The following PTGER3 variants were observed in gnomAD, a reference collection of about 807,000 sequenced individuals.
PTGER3 encodes the protein prostaglandin E receptor 3, also known as prostaglandin E2 receptor EP3 subtype.
PTGER3 carries 22 observed loss-of-function variants against 34.7 expected under a neutral mutation model. The ratio of observed to expected loss-of-function variants is 0.63; its 90% CI spans 0.45 to 0.91. PTGER3 has a LOEUF of 0.91. Ranked by LOEUF, PTGER3 falls within the 40% of genes least tolerant of loss-of-function variation. The probability of loss-of-function intolerance (pLI) is 0.00; values close to 1 mark genes in which losing one functional copy is unlikely to be tolerated. For missense variants in PTGER3, 468 were observed against 519.4 expected, an observed-to-expected ratio of 0.90 and a Z score of 0.96; for synonymous variants, 241 against 230.1, an observed-to-expected ratio of 1.05 and a Z score of -0.43.
At chr1:71,016,235 G>T (rs963625809) in intron 1 of PTGER3, among the ~76,000 whole-genome samples, 2 of 152,124 alleles carry the variant, frequency 1.3e-5, no homozygotes, top group Non-Finnish European at 2.9e-5. Flanking sequence ...AAAGCAAATA[G>T]TAGCTATACA....
intron 4 of PTGER3, among the ~76,000 whole-genome samples, chr1:70,857,695 C>T (rs141685495): frequency 2.0e-5 from 3 of 151,992 alleles, no homozygotes; most frequent in Non-Finnish European, 4.4e-5. Context: ...CCACCACGCC[C>T]GGCTAATTTT....
At chr1:70,907,328 G>A (rs1646970243) in intron 4 of PTGER3, among the ~76,000 whole-genome samples, 2 of 152,226 alleles carry the variant, frequency 1.3e-5, no homozygotes, top group Non-Finnish European at 2.9e-5. Context: ...TTAGAGATTA[G>A]GGGATAATGA....
chr1:70,884,091 C>T (rs13306022), intron 4 of PTGER3: 9,162 of 375,180 alleles, frequency 0.024, 399 homozygotes, highest in East Asian at 0.21. Context: ...CATCTCAAAA[C>T]AAACAAACAA....
At chr1:70,899,575 T>C (rs1218299718) in intron 4 of PTGER3, among the ~76,000 whole-genome samples, 3 of 151,900 alleles carry the variant, frequency 2.0e-5, no homozygotes, top group Non-Finnish European at 4.4e-5. Context: ...ATGAGCCAGA[T>C]TATATGGTGC....
chr1:70,859,361 T>C (rs1327460), intron 4 of PTGER3, among the ~76,000 whole-genome samples: 85,711 of 152,034 alleles, frequency 0.56, 24,600 homozygotes, highest in East Asian at 0.82. Flanking sequence ...ATTTTCCATT[T>C]AGTGTCTTTA....
At chr1:70,963,675 C>T (rs1652199660) in intron 2 of PTGER3, among the ~76,000 whole-genome samples, 1 of 152,102 alleles carries the variant, frequency 6.6e-6, no homozygotes, top group Non-Finnish European at 1.5e-5. Flanking sequence ...CAGGGGGACC[C>T]AGGAATCCAC....
At chr1:70,979,105 C>T (rs969116936) in intron 2 of PTGER3, among the ~76,000 whole-genome samples, 6 of 152,102 alleles carry the variant, frequency 3.9e-5, no homozygotes, top group African/African-American at 1.4e-4. Context: ...AACATGTGAG[C>T]TAGCCAATTA....
intron 1 of PTGER3, among the ~76,000 whole-genome samples, chr1:71,012,922 G>A (rs1185104169): frequency 2.1e-5 from 1 of 46,772 alleles, no homozygotes; most frequent in Non-Finnish European, 3.8e-5. Context: ...AAGAAAGGAG[G>A]AAATATTATT....
intron 2 of PTGER3, among the ~76,000 whole-genome samples, chr1:70,976,257 A>C (rs756775364): frequency 2.0e-5 from 3 of 152,144 alleles, no homozygotes; most frequent in Non-Finnish European, 4.4e-5. Flanking sequence ...ATGATTCCAT[A>C]ATAGTGGACG....
chr1:70,886,603 T>C (rs1164966785), intron 4 of PTGER3, among the ~76,000 whole-genome samples: 1 of 152,168 alleles, frequency 6.6e-6, no homozygotes, highest in Non-Finnish European at 1.5e-5. Flanking sequence ...ACAACCACTT[T>C]CCTCTCTCTC....
At position 70,890,905 on chromosome 1, in the gene PTGER3, A is replaced by T. The variant is rs1307971388; in HGVS notation, c.*24-38046T>A. On this transcript the variant is annotated intron_variant, in intron 4 of 4. Transcript: ENST00000370931. ...GAGAACCCAGTTATATATTTATAGG[A>T]ATTTTTGTTTGTTTTGTTCCTTAAG... 3.9e-5 allele frequency among the ~76,000 whole-genome samples: 6 copies of T among 152,132 alleles called. 1 individual carries two copies. The highest frequency in any genetic ancestry group is 1.4e-4 in the African/African-American group (6 of 41,442).
intron 4 of PTGER3, among the ~76,000 whole-genome samples, chr1:70,853,514 C>T (rs1191134739): frequency 2.0e-5 from 3 of 152,088 alleles, no homozygotes; most frequent in Admixed American, 2.0e-4. Flanking sequence ...CCAGAAAACA[C>T]ATTTTTGAGA....
intron 4 of PTGER3, among the ~76,000 whole-genome samples, chr1:70,876,054 C>T (rs1646265729): frequency 6.6e-6 from 1 of 152,140 alleles, no homozygotes; most frequent in Admixed American, 6.5e-5. Flanking sequence ...ACATTCCCGC[C>T]AGCAGTGTAT....
chr1:71,008,842 G>T, intron 2 of PTGER3: 1 of 959,926 alleles, frequency 1.0e-6, no homozygotes, highest in South Asian at 4.8e-5. Context: ...AATTCTTCAA[G>T]TTAGGCTTTT....
chr1:70,928,037 T>C lies in PTGER3; in HGVS notation c.*23+25726A>G, dbSNP rs185531192. 2.9e-4 allele frequency among the ~76,000 whole-genome samples: 44 copies of C among 151,812 alleles called. No homozygotes were observed. In the Middle Eastern group the frequency reaches 0.01, roughly 35 times the overall value. On this transcript the variant is annotated intron_variant, in intron 4 of 4. Coordinates refer to the PTGER3 transcript ENST00000370931. ...AGCAACGTTTATCTACTAGGTACTA[T>C]GTAAATAAAGTACTGTTTAAAGATT...
intron 4 of PTGER3, among the ~76,000 whole-genome samples, chr1:70,856,205 TG>T (rs1645799343): frequency 1.3e-5 from 2 of 152,098 alleles, no homozygotes; most frequent in African/African-American, 4.8e-5. Context: ...TTAACAAAGT[TG>T]TCAGTTATCT....
chr1:70,932,695 G>T (rs1158306975), intron 4 of PTGER3, among the ~76,000 whole-genome samples: 2 of 152,082 alleles, frequency 1.3e-5, no homozygotes, highest in African/African-American at 4.8e-5. Flanking sequence ...TCTCCCACCT[G>T]GTCCCTCCCA....
At chr1:70,937,695 T>C (rs1649352457) in intron 4 of PTGER3, among the ~76,000 whole-genome samples, 1 of 152,182 alleles carries the variant, frequency 6.6e-6, no homozygotes, top group South Asian at 2.1e-4. Flanking sequence ...GTGCTGTGAC[T>C]CTCTATATCC....
At chr1:70,958,176 T>C (rs1452406362) in intron 2 of PTGER3, among the ~76,000 whole-genome samples, 1 of 152,192 alleles carries the variant, frequency 6.6e-6, no homozygotes, top group Non-Finnish European at 1.5e-5. Flanking sequence ...TGCAGATGTA[T>C]CATCAACATA....
Sources: gnomAD v4.1 joint callset for allele counts (sites outside exome capture counted in the v4.1 genomes callset) on GRCh38, gnomAD v4.1.1 for gene constraint, MANE v1.5 for transcripts, NCBI Gene and HGNC (gene_info 2026-07-23, HGNC 2026-07-21) for gene names.